Variants in MTHFD1L observed in about 807,000 individuals in gnomAD.
MTHFD1L encodes methylenetetrahydrofolate dehydrogenase (NADP+ dependent) 1 like, also known as monofunctional C1-tetrahydrofolate synthase, mitochondrial.
In MTHFD1L, 81 loss-of-function variants were observed where a neutral mutation model predicts 119.5. The ratio of observed to expected loss-of-function variants is 0.68; its 90% CI spans 0.57 to 0.82. The LOEUF is 0.82. Among genes scored for constraint, MTHFD1L ranks in the 40% least tolerant of loss-of-function variants. MTHFD1L has a pLI of 0.00. For synonymous variants in MTHFD1L, 430 were observed against 475.2 expected (o/e 0.90, Z 1.24); for missense variants, 1,125 against 1,253.4 (o/e 0.90, Z 1.55).
chr6:151,029,488 AT>A (rs1455120878), intron 24 of MTHFD1L, among the ~76,000 whole-genome samples: 1 of 146,860 alleles, frequency 6.8e-6, no homozygotes, highest in Admixed American at 6.9e-5. Context: ...CTTACAAAAC[AT>A]TTTCGTGTTT....
In MTHFD1L at chr6:150,886,744, T is replaced by G. The variant is rs1406461224; in HGVS notation, c.643+1010T>G. On this transcript the variant is annotated intron_variant, in intron 6 of 27. Coordinates refer to ENST00000367321, the MANE Select transcript of MTHFD1L (RefSeq NM_015440.5). ...TAGCTCACACCTGTAATCCCAGCAC[T>G]TTGTGGAGCCAAGATGGGAGGATTG... Among the ~76,000 whole-genome samples the G allele has an allele frequency of 3.3e-5, 5 of 152,002 alleles. No individual in the cohort carries two copies. The South Asian group carries it at 8.3e-4, about 25-fold the overall frequency.
At chr6:151,098,968 G>T (rs1259334133) in intron 27 of MTHFD1L, among the ~76,000 whole-genome samples, 1 of 152,054 alleles carries the variant, frequency 6.6e-6, no homozygotes, top group African/African-American at 2.4e-5. Context: ...CTGAGGTCAG[G>T]AGTTCAAGAC....
At chr6:151,093,408 A>AAGCGTGGTGGCTCACACCTGTAATCCC (rs71014542) in intron 27 of MTHFD1L, among the ~76,000 whole-genome samples, 80,314 of 151,258 alleles carry the variant, frequency 0.53, 21,692 homozygotes, top group East Asian at 0.75. Flanking sequence ...ACTCTCAGCC[A>AAGCGTGGTGGCTCACACCTGTAATCCC]AGCACTTTGG....
chr6:150,877,849 C>A (rs1448148830), intron 4 of MTHFD1L, 23 bp downstream of exon 4: 1 of 1,613,906 alleles, frequency 6.2e-7, no homozygotes, highest in African/African-American at 1.3e-5. Flanking sequence ...GAGCTCTAAA[C>A]TCTTGCTTCT....
intron 26 of MTHFD1L, among the ~76,000 whole-genome samples, chr6:151,092,044 C>G (rs1417720113): frequency 2.0e-5 from 3 of 152,018 alleles, no homozygotes; most frequent in Non-Finnish European, 4.4e-5. Context: ...CAGCTGTGCT[C>G]CAGGAGCTAT....
intron 17 of MTHFD1L, among the ~76,000 whole-genome samples, chr6:150,956,698 G>A (rs1795696036): frequency 6.6e-6 from 1 of 151,844 alleles, no homozygotes; most frequent in African/African-American, 2.4e-5. Context: ...CTTTTGAATT[G>A]ATTATAAACT....
intron 13 of MTHFD1L, among the ~76,000 whole-genome samples, chr6:150,944,231 G>A (rs1270243531): frequency 6.6e-6 from 1 of 152,110 alleles, no homozygotes; most frequent in Non-Finnish European, 1.5e-5. Context: ...CGAGCACAGT[G>A]GCCCAAGAGC....
intron 18 of MTHFD1L, among the ~76,000 whole-genome samples, chr6:150,960,716 C>A (rs1171718459): frequency 6.6e-6 from 1 of 152,110 alleles, no homozygotes; most frequent in African/African-American, 2.4e-5. Flanking sequence ...GAGTCACCCC[C>A]CTGCAGTCAC....
chr6:150,957,597 T>C (rs947005408), intron 17 of MTHFD1L, among the ~76,000 whole-genome samples: 2 of 152,132 alleles, frequency 1.3e-5, no homozygotes, highest in Non-Finnish European at 2.9e-5. Context: ...GCGGTGAAAA[T>C]TGGAAACAAT....
intron 4 of MTHFD1L, among the ~76,000 whole-genome samples, chr6:150,880,835 A>G (rs1781287774): frequency 1.3e-5 from 2 of 152,170 alleles, no homozygotes; most frequent in South Asian, 4.1e-4. Context: ...CATTTCCCTG[A>G]TAATTAATGA....
intron 24 of MTHFD1L, among the ~76,000 whole-genome samples, chr6:151,034,166 TA>T (rs540927851): frequency 0.027 from 3,889 of 143,518 alleles, 98 homozygotes; most frequent in Admixed American, 0.096. Context: ...GATACTGTCT[TA>T]AAAAAAAAAA....
At chr6:150,916,737 C>CTTTTTTTTTTTTTT (rs57961829) in intron 8 of MTHFD1L, among the ~76,000 whole-genome samples, 1 of 72,114 alleles carries the variant, frequency 1.4e-5, no homozygotes, top group African/African-American at 4.4e-5. Flanking sequence ...GATTCTATCC[C>CTTTTTTTTTTTTTT]TTTTTTTTTT....
At position 150,960,167 on chromosome 6, in the gene MTHFD1L, A is replaced by G. The variant is rs187064510; in HGVS notation, c.1804-108A>G. 2.3e-5 allele frequency: 32 copies of G among 1,389,002 alleles called. No individual in the cohort carries two copies. In the East Asian group the frequency reaches 6.7e-4, roughly 29 times the overall value. The allele number at this position is 1,389,002 out of a possible 1,614,324, so 86.0% of individuals were successfully genotyped here. A position where few individuals can be genotyped will look rare whatever the true frequency, so the allele number is the denominator to read the frequency against. Reference sequence around the variant, plus strand: ...ATTGCATGCATGGCCTTTTGAGGGTAGACTCTCTGGGCCTGTGGTTGCTTC... The same window carrying G: ...ATTGCATGCATGGCCTTTTGAGGGTGGACTCTCTGGGCCTGTGGTTGCTTC... On this transcript the variant is annotated intron_variant, in intron 17 of 27. Coordinates refer to ENST00000367321, the MANE Select transcript of MTHFD1L (RefSeq NM_015440.5).
At chr6:150,904,937 G>A (rs1430136505) in intron 7 of MTHFD1L, among the ~76,000 whole-genome samples, 1 of 151,714 alleles carries the variant, frequency 6.6e-6, no homozygotes, top group Non-Finnish European at 1.5e-5. Flanking sequence ...CATGGGTATA[G>A]TAACAGTTCT....
intron 4 of MTHFD1L, 79 bp from the exon 5 acceptor site, chr6:150,882,683 C>CT (rs1781567864): frequency 1.8e-6 from 2 of 1,099,154 alleles, no homozygotes; most frequent in Non-Finnish European, 2.5e-6. Flanking sequence ...CATGAATCCA[C>CT]TTTTTATATA....
chr6:150,895,292 G>T (rs1583431461), intron 7 of MTHFD1L, among the ~76,000 whole-genome samples: 1 of 152,208 alleles, frequency 6.6e-6, no homozygotes, highest in East Asian at 1.9e-4. Context: ...TGTTTACAAG[G>T]TGGAGTGGTG....
At chr6:150,935,064 A>G in intron 11 of MTHFD1L, 1 of 1,613,992 alleles carries the variant, frequency 6.2e-7, no homozygotes, top group Non-Finnish European at 8.5e-7. Context: ...TGTGCTGGAA[A>G]GACAACTGTC....
chr6:150,961,970 A>G (rs1769624932), intron 18 of MTHFD1L, among the ~76,000 whole-genome samples: 1 of 151,996 alleles, frequency 6.6e-6, no homozygotes, highest in South Asian at 2.1e-4. Flanking sequence ...GCTTCCTTAA[A>G]TCTATTTATT....
intron 16 of MTHFD1L, among the ~76,000 whole-genome samples, chr6:150,954,715 G>A (rs1027583300): frequency 3.3e-5 from 5 of 151,062 alleles, no homozygotes; most frequent in African/African-American, 4.9e-5. Context: ...CTCCCAAATG[G>A]GAGTGCAGAG....
Sources: gnomAD v4.1 joint callset for allele counts (sites outside exome capture counted in the v4.1 genomes callset) on GRCh38, gnomAD v4.1.1 for gene constraint, MANE v1.5 for transcripts, NCBI Gene and HGNC (gene_info 2026-07-23, HGNC 2026-07-21) for gene names.